KLKB1: variants seen among roughly 807,000 people sequenced by gnomAD.
KLKB1 encodes the protein plasma kallikrein.
KLKB1 carries 58 observed loss-of-function variants against 73.6 expected under a neutral mutation model. The ratio of observed to expected loss-of-function variants is 0.79; its 90% CI spans 0.64 to 0.98. The LOEUF is 0.98. Ranked by LOEUF, KLKB1 falls within the 50% of genes least tolerant of loss-of-function variation. The pLI, the probability that KLKB1 is intolerant of heterozygous loss-of-function variation, is 0.00. For missense variants in KLKB1, 737 were observed against 763.8 expected, an observed-to-expected ratio of 0.96 and a Z score of 0.41; for synonymous variants, 280 against 258.1, an observed-to-expected ratio of 1.08 and a Z score of -0.81.
At chr4:186,233,399 T>C (rs1737497683) in intron 3 of KLKB1, among the ~76,000 whole-genome samples, 1 of 152,236 alleles carries the variant, frequency 6.6e-6, no homozygotes, top group African/African-American at 2.4e-5. Flanking sequence ...GGATAGTCAT[T>C]CTCTGATCCC....
At chr4:186,248,595 A>ATTTTTTTTTTTTTTTTTTT (rs138717531) in intron 6 of KLKB1, among the ~76,000 whole-genome samples, 11 of 114,916 alleles carry the variant, frequency 9.6e-5, no homozygotes, top group Admixed American at 1.9e-4. Context: ...TTGTTTCTGG[A>ATTTTTTTTTTTTTTTTTTT]TTTTTTTTTT....
intron 4 of KLKB1, among the ~76,000 whole-genome samples, 178 bp downstream of exon 4, chr4:186,234,236 C>G (rs564709258): frequency 1.6e-4 from 25 of 152,250 alleles, no homozygotes; most frequent in African/African-American, 5.8e-4. Flanking sequence ...CTTCTATTGT[C>G]TTTATAAATC....
chr4:186,228,260 G>C lies in KLKB1; in HGVS notation c.58+7G>C. ...TTTGCTACAGTTTCCTGTGGTAAGT[G>C]AATTATCTATAAAACATGGAATTCA... is the stretch of plus-strand genomic sequence containing the variant. On this transcript the variant is annotated splice_region_variant and intron_variant, in intron 2 of 14. Transcript: ENST00000264690. 1 of 1,573,096 alleles carries C rather than the reference G, an allele frequency of 6.4e-7. No individual in the cohort carries two copies. The highest frequency in any genetic ancestry group is 1.1e-5 in the South Asian group (1 of 90,110).
rs764588974 is a variant in KLKB1, at chr4:186,232,134, G to T, written c.66G>T (p.Leu22=). The T allele has an allele frequency of 3.7e-6, 6 of 1,609,790 alleles. No individual in the cohort carries two copies. In the East Asian group the frequency reaches 1.1e-4, roughly 30 times the overall value. The stretch of plus-strand genomic sequence containing the variant: ...TTTATGGTTCTGTCACAGGATGTCT[G>T]ACTCAACTCTATGAAAACGCCTTCT... ...SLFATVSCGC[L]TQLYENAFFR... The change falls in exon 3 of 15, where the codon CTG becomes CTT. Residue 22 remains leucine (L), a synonymous_variant. Transcript: ENST00000264690.
intron 4 of KLKB1, among the ~76,000 whole-genome samples, chr4:186,234,300 A>C (rs1483612993): frequency 6.6e-6 from 1 of 152,206 alleles, no homozygotes; most frequent in Non-Finnish European, 1.5e-5. Flanking sequence ...CAAGTGTAAG[A>C]TTTGCAGAAA....
upstream of KLKB1, among the ~76,000 whole-genome samples, chr4:186,226,908 A>C (rs1240144635): frequency 6.6e-6 from 1 of 151,950 alleles, no homozygotes; most frequent in African/African-American, 2.4e-5. Context: ...GCAGGCCTGA[A>C]GTCTAGGTTT....
At position 186,251,200 on chromosome 4, in the gene KLKB1, T is replaced by A. The variant is rs1221429813; in HGVS notation, c.759-19T>A. 5 of 1,445,882 alleles carry A rather than the reference T, an allele frequency of 3.5e-6. No homozygotes were observed. In the African/African-American group the frequency reaches 5.7e-5, roughly 17 times the overall value. 89.6% of individuals were successfully genotyped at this position (1,445,882 alleles called of 1,614,324 possible). A position where few individuals can be genotyped will look rare whatever the true frequency, so the allele number is the denominator to read the frequency against. On this transcript the variant is annotated intron_variant, in intron 7 of 14. Transcript: ENST00000264690. ...GCAAATTTCTTTCTTTCTCTCTTGC[T>A]TTTTTTTAAAAAAAATAGAAATGTT...
At chr4:186,219,347 CA>C (rs1293990184) in intron 2 of KLKB1, among the ~76,000 whole-genome samples, 2 of 152,102 alleles carry the variant, frequency 1.3e-5, no homozygotes, top group Non-Finnish European at 2.9e-5. Flanking sequence ...ATATAATCTT[CA>C]AATAAAGATA....
chr4:186,243,416 A>G (rs1055320695), intron 6 of KLKB1, among the ~76,000 whole-genome samples: 3 of 152,226 alleles, frequency 2.0e-5, no homozygotes, highest in Middle Eastern at 3.4e-3. Flanking sequence ...GGAAGTTTCA[A>G]TGGGGGAGTA....
chr4:186,241,591 T>C (rs1738053012), intron 6 of KLKB1, among the ~76,000 whole-genome samples: 1 of 152,136 alleles, frequency 6.6e-6, no homozygotes, highest in African/African-American at 2.4e-5. Context: ...CATTTGCAAC[T>C]CTGACATGGA....
chr4:186,230,099 A>G (rs933774734), intron 2 of KLKB1, among the ~76,000 whole-genome samples: 5 of 152,214 alleles, frequency 3.3e-5, no homozygotes, highest in Non-Finnish European at 7.3e-5. Flanking sequence ...GTTGAGCACA[A>G]TGTGCAGTTA....
At chr4:186,211,866 T>C (rs564216371) in intron 2 of KLKB1, 2 of 152,242 alleles carry the variant, frequency 1.3e-5, no homozygotes, top group Non-Finnish European at 2.9e-5. Flanking sequence ...TCTGTTACAG[T>C]TTTTCTTTTG....
At chr4:186,235,773 G>A (rs1341168369) in intron 4 of KLKB1, among the ~76,000 whole-genome samples, 4 of 151,938 alleles carry the variant, frequency 2.6e-5, no homozygotes, top group Admixed American at 2.6e-4. Context: ...TATACTTCTG[G>A]TTACATTACT....
chr4:186,247,724 T>C (rs552436063), intron 6 of KLKB1, among the ~76,000 whole-genome samples: 1 of 152,374 alleles, frequency 6.6e-6, no homozygotes, highest in East Asian at 1.9e-4. Flanking sequence ...ATTTAATTCT[T>C]ATGTATATAA....
chr4:186,216,794 C>G (rs191546627), intron 2 of KLKB1, among the ~76,000 whole-genome samples: 1 of 152,292 alleles, frequency 6.6e-6, no homozygotes, highest in African/African-American at 2.4e-5. Context: ...CTGTCAATCC[C>G]TCTTAACGCT....
intron 6 of KLKB1, among the ~76,000 whole-genome samples, chr4:186,241,344 G>A (rs113202385): frequency 2.0e-5 from 3 of 152,118 alleles, no homozygotes; most frequent in South Asian, 2.1e-4. Context: ...AAGGTGCTCC[G>A]GGGGCAACAC....
chr4:186,221,558 G>A (rs1737033278), upstream of KLKB1, among the ~76,000 whole-genome samples: 1 of 151,802 alleles, frequency 6.6e-6, no homozygotes, highest in African/African-American at 2.4e-5. Context: ...TGACTCATTG[G>A]TTGTTCAGGA....
chr4:186,257,465 A>T, intron 14 of KLKB1, 100 bp downstream of exon 14: 1 of 1,046,760 alleles, frequency 9.6e-7, no homozygotes, highest in Non-Finnish European at 1.3e-6. Flanking sequence ...TTTTAAAAAA[A>T]TTCAGAGACA....
chr4:186,220,100 C>A (rs1048837515), intron 2 of KLKB1, among the ~76,000 whole-genome samples: 1 of 151,922 alleles, frequency 6.6e-6, no homozygotes, highest in Non-Finnish European at 1.5e-5. Context: ...CACAACTAAG[C>A]AAGCAGAAGG....
Sources: allele counts gnomAD v4.1 joint callset (sites outside exome capture counted in the v4.1 genomes callset), GRCh38; gene constraint gnomAD v4.1.1; transcripts MANE v1.5; gene names NCBI Gene and HGNC (gene_info 2026-07-23, HGNC 2026-07-21).